Variants in PIP5K1A observed in about 807,000 individuals in gnomAD.
PIP5K1A encodes the protein phosphatidylinositol 4-phosphate 5-kinase type-1 alpha.
Under a neutral mutation model 72.9 loss-of-function variants are expected in PIP5K1A, and 46 were observed. That is an observed-to-expected ratio of 0.63 (90% CI 0.50 to 0.81). The LOEUF (loss-of-function observed/expected upper bound fraction) is 0.81, where lower values mean the gene tolerates loss of function less well. Among genes scored for constraint, PIP5K1A ranks in the 30% least tolerant of loss-of-function variants. The pLI is 0.00. For synonymous variants in PIP5K1A, 228 were observed against 255.1 expected (o/e 0.89, Z 1.01); for missense variants, 458 against 706.1 (o/e 0.65, Z 3.98).
intron 12 of PIP5K1A, 75 bp from the exon 13 acceptor site, chr1:151,242,048 C>G: frequency 6.8e-7 from 1 of 1,478,134 alleles, no homozygotes; most frequent in Non-Finnish European, 9.4e-7. Context: ...GGGATACTAG[C>G]AATTATTTGT....
intron 8 of PIP5K1A, among the ~76,000 whole-genome samples, chr1:151,235,239 C>T (rs6686818): frequency 0.36 from 55,459 of 151,994 alleles, 11,913 homozygotes; most frequent in East Asian, 0.54. Flanking sequence ...CCCATCACCA[C>T]GCCTGGGTCG....
upstream of PIP5K1A, among the ~76,000 whole-genome samples, chr1:151,196,312 C>A (rs1197382744): frequency 6.6e-6 from 1 of 152,080 alleles, no homozygotes; most frequent in Non-Finnish European, 1.5e-5. Context: ...GAGCCAAATC[C>A]TGTGCTCAGT....
intron 1 of PIP5K1A, among the ~76,000 whole-genome samples, chr1:151,220,920 T>C (rs587749489): frequency 2.6e-5 from 4 of 152,368 alleles, no homozygotes; most frequent in African/African-American, 9.6e-5. Flanking sequence ...ACTCAGGGAA[T>C]CTTTTAGAGG....
intron 7 of PIP5K1A, among the ~76,000 whole-genome samples, chr1:151,232,968 C>T (rs150228642): frequency 1.1e-3 from 168 of 151,900 alleles, no homozygotes; most frequent in African/African-American, 3.8e-3. Context: ...GGCGTGGTAG[C>T]GGGCGCCTGT....
At chr1:151,225,896 CCTCCTGAGTAGCTGGGATTAGAGATGCA>C (rs1415990147) in intron 3 of PIP5K1A, among the ~76,000 whole-genome samples, 3 of 151,376 alleles carry the variant, frequency 2.0e-5, no homozygotes, top group African/African-American at 7.3e-5. Flanking sequence ...CCCGCCTCAG[CCTCCTGAGTAGCTGGGATTAGAGATGCA>C]CGCCACCACG....
In PIP5K1A at chr1:151,198,942, A is replaced by G; in HGVS notation, c.-55A>G. 2 of 1,509,006 alleles carry G rather than the reference A, an allele frequency of 1.3e-6. No homozygotes were observed. Among genetic ancestry groups the G allele is most frequent in the South Asian group, 2.2e-5 (2 of 89,070 alleles). The allele number at this position is 1,509,006 out of a possible 1,614,324, so 93.5% of individuals were successfully genotyped here. A position where few individuals can be genotyped will look rare whatever the true frequency, so the allele number is the denominator to read the frequency against. On this transcript the variant is annotated 5_prime_UTR_variant, in exon 1 of 16. Coordinates refer to ENST00000368888, the MANE Select transcript of PIP5K1A (RefSeq NM_001135638.2). ...GTTGGGAAGATTCGATTCCGAGAAGAGGAAGAACCGGATTGAAAGAGAGCC... is the reference window on the plus strand; with the variant it reads ...GTTGGGAAGATTCGATTCCGAGAAGGGGAAGAACCGGATTGAAAGAGAGCC...
Position 151,198,760 on chromosome 1 carries a change from G to C in PIP5K1A, c.-237G>C. ...GGGGAAAGTATCCCCTGTGGAAAGC[G>C]GTTAAACTTGTGGAGGGGGTGCGGG... On this transcript the variant is annotated 5_prime_UTR_variant, in exon 1 of 16. Transcript: ENST00000368888. 1.7e-6 allele frequency: 1 copy of C among 604,320 alleles called. No homozygotes were observed. The allele number at this position is 604,320 out of a possible 1,614,324, so 37.4% of individuals were successfully genotyped here.
At chr1:151,196,550 A>ATTTTTTTTTTTT (rs5777766), upstream of PIP5K1A, among the ~76,000 whole-genome samples, 36 of 114,742 alleles carry the variant, frequency 3.1e-4, no homozygotes, top group African/African-American at 1.1e-3. Context: ...ATGCATGGGG[A>ATTTTTTTTTTTT]TTTTTTTTTT....
chr1:151,237,710 C>T (rs1185880462), intron 9 of PIP5K1A, among the ~76,000 whole-genome samples: 1 of 151,998 alleles, frequency 6.6e-6, no homozygotes, highest in Non-Finnish European at 1.5e-5. Flanking sequence ...CATCCTTCTT[C>T]ATCATGCCTA....
chr1:151,201,774 A>AT (rs1685246767), intron 1 of PIP5K1A, among the ~76,000 whole-genome samples: 1 of 151,888 alleles, frequency 6.6e-6, no homozygotes, highest in South Asian at 2.1e-4. Context: ...AGTCAGGAGA[A>AT]TTGCTTGAAC....
intron 9 of PIP5K1A, 58 bp downstream of exon 9, chr1:151,236,821 C>CTTTTTTTT (rs369523470): frequency 8.0e-4 from 401 of 498,482 alleles, no homozygotes; most frequent in African/African-American, 1.4e-3. Flanking sequence ...CTTTTCTTTT[C>CTTTTTTTT]TTTTTTTTTT....
At chr1:151,197,775 G>A (rs1419027808), upstream of PIP5K1A, among the ~76,000 whole-genome samples, 1 of 152,226 alleles carries the variant, frequency 6.6e-6, no homozygotes, top group Non-Finnish European at 1.5e-5. Flanking sequence ...TTGCTCCCCA[G>A]AAGTTTTACA....
At chr1:151,221,002 G>C (rs1333578444) in intron 1 of PIP5K1A, among the ~76,000 whole-genome samples, 1 of 152,118 alleles carries the variant, frequency 6.6e-6, no homozygotes, top group African/African-American at 2.4e-5. Context: ...GTTTAACTTT[G>C]CTTCTCAAGG....
chr1:151,237,612 G>A (rs1691075049), intron 9 of PIP5K1A, among the ~76,000 whole-genome samples: 2 of 151,926 alleles, frequency 1.3e-5, no homozygotes, highest in African/African-American at 2.4e-5. Context: ...GTGAGCCACT[G>A]TACATGCCAC....
intron 9 of PIP5K1A, 25 bp from the exon 10 acceptor site, chr1:151,238,157 A>T (rs1303254799): frequency 4.0e-6 from 6 of 1,516,472 alleles, no homozygotes; most frequent in Non-Finnish European, 5.5e-6. Flanking sequence ...AGATTTTCTC[A>T]CCCTTTCCTT....
At chr1:151,244,781 C>G (rs1177229341) in intron 14 of PIP5K1A, among the ~76,000 whole-genome samples, 1 of 152,148 alleles carries the variant, frequency 6.6e-6, no homozygotes, top group Non-Finnish European at 1.5e-5. Context: ...GTCCTGGAAC[C>G]AGTCCCCCAC....
intron 1 of PIP5K1A, among the ~76,000 whole-genome samples, chr1:151,218,153 T>C (rs1457961303): frequency 1.3e-5 from 2 of 152,198 alleles, no homozygotes; most frequent in African/African-American, 2.4e-5. Flanking sequence ...TTAACGTCTG[T>C]AAAACTGTGA....
At chr1:151,220,859 G>A (rs1688310171) in intron 1 of PIP5K1A, among the ~76,000 whole-genome samples, 1 of 152,116 alleles carries the variant, frequency 6.6e-6, no homozygotes, top group Non-Finnish European at 1.5e-5. Flanking sequence ...TTTAAAGCAA[G>A]CCCAGTCCTC....
intron 4 of PIP5K1A, among the ~76,000 whole-genome samples, chr1:151,230,599 T>C (rs1689904047): frequency 6.6e-6 from 1 of 152,182 alleles, no homozygotes; most frequent in South Asian, 2.1e-4. Flanking sequence ...TGGAATGCAG[T>C]GGTGTGATCT....
Sources: allele counts gnomAD v4.1 joint callset (sites outside exome capture counted in the v4.1 genomes callset), GRCh38; gene constraint gnomAD v4.1.1; transcripts MANE v1.5; gene names NCBI Gene and HGNC (gene_info 2026-07-23, HGNC 2026-07-21).